KCNIP4: variants seen among roughly 807,000 people sequenced by gnomAD.
The protein encoded by KCNIP4 is Kv channel-interacting protein 4.
KCNIP4 carries 12 observed loss-of-function variants against 34.0 expected under a neutral mutation model. The ratio of observed to expected loss-of-function variants is 0.35; its 90% CI spans 0.23 to 0.57. KCNIP4 has a LOEUF of 0.57. Ranked by LOEUF, KCNIP4 falls within the 20% of genes least tolerant of loss-of-function variation. KCNIP4 has a pLI of 0.83. For synonymous variants in KCNIP4, 124 were observed against 102.2 expected, an observed-to-expected ratio of 1.21 and a Z score of -1.29; for missense variants, 238 against 311.7, an observed-to-expected ratio of 0.76 and a Z score of 1.78.
rs193097916 is a variant in KCNIP4 at position 21,212,291 on chromosome 4, A to G, written c.62-329582T>C. Reference sequence around the variant, plus strand: ...TTCTAAGTTGTCTTAATCCATTCACAACAATTTCCTAGAGCTGTATTATTA... The same window carrying G: ...TTCTAAGTTGTCTTAATCCATTCACGACAATTTCCTAGAGCTGTATTATTA... On this transcript the variant is annotated intron_variant, in intron 1 of 8. Coordinates refer to ENST00000382152, the MANE Select transcript of KCNIP4 (RefSeq NM_025221.6). 3.4e-3 allele frequency among the ~76,000 whole-genome samples: 525 copies of G among 152,324 alleles called. 2 individuals carry two copies. The highest frequency in any genetic ancestry group is 5.0e-3 in the Non-Finnish European group (343 of 68,032).
chr4:20,994,590 G>A lies in KCNIP4; in HGVS notation c.62-111881C>T, dbSNP rs142113719. 3.7e-3 allele frequency among the ~76,000 whole-genome samples: 557 copies of A among 152,258 alleles called. 4 individuals are homozygous for A. Among genetic ancestry groups the A allele is most frequent in the East Asian group, 1.5e-3 (8 of 5,178 alleles). On this transcript the variant is annotated intron_variant, in intron 1 of 8. Coordinates refer to ENST00000382152, the MANE Select transcript of KCNIP4 (RefSeq NM_025221.6). ...GGGACACTCTCCTTTCATTTTAGGT[G>A]CAAGCCCAGACATGAACTAGGAGTT... is the stretch of plus-strand genomic sequence containing the variant.
chr4:21,868,304 TCAAGGGGATGTACA>T (rs1257137757), intron 1 of KCNIP4, among the ~76,000 whole-genome samples: 1 of 152,228 alleles, frequency 6.6e-6, no homozygotes, highest in East Asian at 1.9e-4. Context: ...AGTTATTTTA[TCAAGGGGATGTACA>T]CATTACGCAT....
chr4:21,469,681 A>G (rs1298856750), intron 1 of KCNIP4, among the ~76,000 whole-genome samples: 3 of 151,942 alleles, frequency 2.0e-5, no homozygotes, highest in Non-Finnish European at 4.4e-5. Flanking sequence ...TGCAGACAGC[A>G]TTTTTTTTCC....
chr4:20,800,989 A>G (rs769683405), intron 3 of KCNIP4, among the ~76,000 whole-genome samples: 11 of 152,204 alleles, frequency 7.2e-5, no homozygotes, highest in Non-Finnish European at 1.5e-4. Context: ...ACATTATAGT[A>G]AAACTGTCAA....
At chr4:20,980,806 C>T (rs1352981561) in intron 1 of KCNIP4, among the ~76,000 whole-genome samples, 3 of 145,220 alleles carry the variant, frequency 2.1e-5, no homozygotes, top group Non-Finnish European at 4.4e-5. Context: ...CACTTCTCCA[C>T]CATAAAAAAA....
At chr4:21,150,721 A>C (rs1195028269) in intron 1 of KCNIP4, among the ~76,000 whole-genome samples, 1 of 152,236 alleles carries the variant, frequency 6.6e-6, no homozygotes, top group Admixed American at 6.5e-5. Context: ...ATCAAATTAG[A>C]AATTTACTAG....
intron 1 of KCNIP4, among the ~76,000 whole-genome samples, chr4:20,984,562 G>A (rs1193186365): frequency 6.6e-6 from 1 of 152,320 alleles, no homozygotes; most frequent in African/African-American, 2.4e-5. Context: ...AGGGAGAAAA[G>A]TGCAGGAGCA....
rs528376767 is a variant in KCNIP4 at position 21,698,458 on chromosome 4, T to C, written c.61+250113A>G. On this transcript the variant is annotated intron_variant, in intron 1 of 8. Coordinates refer to ENST00000382152, the MANE Select transcript of KCNIP4 (RefSeq NM_025221.6). Reference sequence around the variant, plus strand: ...TACCAATCAACTTTTTTAAAGTTAATAGCCAGAACAATTGCAAGGATTTGC... The same window carrying C: ...TACCAATCAACTTTTTTAAAGTTAACAGCCAGAACAATTGCAAGGATTTGC... Among the ~76,000 whole-genome samples, 6 of 152,300 alleles carry C rather than the reference T, an allele frequency of 3.9e-5. No individual in the cohort carries two copies. The South Asian group carries it at 6.2e-4, about 16-fold the overall frequency.
chr4:21,651,720 C>A (rs539263847), intron 1 of KCNIP4, among the ~76,000 whole-genome samples: 9 of 152,244 alleles, frequency 5.9e-5, no homozygotes, highest in African/African-American at 2.2e-4. Context: ...AACAGGATGT[C>A]CTTAGAATCC....
At chr4:21,370,993 A>T (rs1720389401) in intron 1 of KCNIP4, among the ~76,000 whole-genome samples, 1 of 138,582 alleles carries the variant, frequency 7.2e-6, no homozygotes. Flanking sequence ...AGGGGTAGGG[A>T]TCTAGCTCAC....
chr4:21,608,146 T>G (rs1743859863), intron 1 of KCNIP4, among the ~76,000 whole-genome samples: 1 of 152,202 alleles, frequency 6.6e-6, no homozygotes, highest in African/African-American at 2.4e-5. Flanking sequence ...ATTCCCTTTC[T>G]ATTCCCTCTG....
chr4:21,629,849 CT>C (rs5856652), intron 1 of KCNIP4, among the ~76,000 whole-genome samples: 1,893 of 87,730 alleles, frequency 0.022, 24 homozygotes, highest in South Asian at 0.053. Flanking sequence ...CTTTTTCTTT[CT>C]TTTTTTTTTT....
chr4:21,483,768 C>A (rs77477633), intron 1 of KCNIP4, among the ~76,000 whole-genome samples: 16,646 of 151,262 alleles, frequency 0.11, 1,151 homozygotes, highest in South Asian at 0.17. Context: ...CCAGCCTGGG[C>A]GAAAGAGACA....
intron 1 of KCNIP4, among the ~76,000 whole-genome samples, chr4:21,807,788 ATGAGTTAC>A (rs1011910848): frequency 6.6e-6 from 1 of 152,172 alleles, no homozygotes; most frequent in Non-Finnish European, 1.5e-5. Flanking sequence ...AATTGCATCC[ATGAGTTAC>A]TGAAATAAAA....
chr4:21,378,655 T>C (rs946042419), intron 1 of KCNIP4, among the ~76,000 whole-genome samples: 1 of 152,198 alleles, frequency 6.6e-6, no homozygotes, highest in African/African-American at 2.4e-5. Flanking sequence ...CAATTGCATT[T>C]GATCATGCCA....
At chr4:21,488,171 C>A (rs530339572) in intron 1 of KCNIP4, among the ~76,000 whole-genome samples, 2 of 152,084 alleles carry the variant, frequency 1.3e-5, no homozygotes, top group Non-Finnish European at 2.9e-5. Flanking sequence ...CGTTATTAAG[C>A]AAAACATGAA....
chr4:21,732,575 C>G (rs6448069), intron 1 of KCNIP4, among the ~76,000 whole-genome samples: 78,659 of 151,920 alleles, frequency 0.52, 22,602 homozygotes, highest in East Asian at 0.78. Flanking sequence ...TGCACAGCCA[C>G]AACTTGGGGG....
chr4:20,864,551 A>G (rs1294995724), intron 2 of KCNIP4, among the ~76,000 whole-genome samples: 1 of 152,068 alleles, frequency 6.6e-6, no homozygotes, highest in Non-Finnish European at 1.5e-5. Context: ...GAGTCTGGGA[A>G]GTCTGGTTCC....
chr4:21,504,246 T>C (rs549696536), intron 1 of KCNIP4, among the ~76,000 whole-genome samples: 6 of 151,948 alleles, frequency 3.9e-5, no homozygotes, highest in African/African-American at 1.2e-4. Flanking sequence ...GGCGGGTGGA[T>C]CACCTGAGGT....
Sources: allele counts gnomAD v4.1 joint callset (sites outside exome capture counted in the v4.1 genomes callset), GRCh38; gene constraint gnomAD v4.1.1; transcripts MANE v1.5; gene names NCBI Gene and HGNC (gene_info 2026-07-23, HGNC 2026-07-21).